The following CLEC16A variants were observed in gnomAD, a reference collection of about 807,000 sequenced individuals.
CLEC16A encodes protein CLEC16A.
In CLEC16A, 51 loss-of-function variants were observed where a neutral mutation model predicts 109.5. The observed-to-expected ratio is 0.47, with a 90% CI of 0.37 to 0.59. The LOEUF is 0.59. CLEC16A is among the 20% of genes least tolerant of loss of function. The pLI, the probability that CLEC16A is intolerant of heterozygous loss-of-function variation, is 0.00. For missense variants in CLEC16A, 1,339 were observed against 1,394.0 expected (o/e 0.96, Z 0.63); for synonymous variants, 673 against 564.2 (o/e 1.19, Z -2.73).
chr16:11,153,124 A>G (rs1457938472), intron 22 of CLEC16A, among the ~76,000 whole-genome samples: 4 of 152,316 alleles, frequency 2.6e-5, no homozygotes, highest in East Asian at 1.9e-4. Flanking sequence ...AGGATGTTCA[A>G]TATTTAAACA....
chr16:10,981,920 G>C (rs946575954), intron 9 of CLEC16A, among the ~76,000 whole-genome samples: 1 of 152,196 alleles, frequency 6.6e-6, no homozygotes, highest in African/African-American at 2.4e-5. Context: ...ACATCTAGTG[G>C]GTGGAGGTCA....
At chr16:11,045,944 G>C (rs2047612890) in intron 16 of CLEC16A, among the ~76,000 whole-genome samples, 1 of 152,220 alleles carries the variant, frequency 6.6e-6, no homozygotes, top group African/African-American at 2.4e-5. Context: ...AGCTGCAGCA[G>C]TGGACATACC....
intron 13 of CLEC16A, among the ~76,000 whole-genome samples, chr16:11,037,321 C>T (rs1597148701): frequency 6.6e-6 from 1 of 152,208 alleles, no homozygotes; most frequent in East Asian, 1.9e-4. Flanking sequence ...GTGGTTTGAG[C>T]TGTGTCTCTG....
At chr16:10,950,512 C>T (rs1267626760) in intron 1 of CLEC16A, among the ~76,000 whole-genome samples, 2 of 152,210 alleles carry the variant, frequency 1.3e-5, no homozygotes, top group Non-Finnish European at 1.5e-5. Context: ...TACACATCCC[C>T]GGCCCAGCCT....
chr16:10,990,616 G>A (rs1406110878), intron 10 of CLEC16A, among the ~76,000 whole-genome samples: 1 of 152,232 alleles, frequency 6.6e-6, no homozygotes, highest in Non-Finnish European at 1.5e-5. Flanking sequence ...AGTGGGCAGG[G>A]ATGGGAGCAG....
intron 21 of CLEC16A, among the ~76,000 whole-genome samples, chr16:11,125,448 A>G (rs965034903): frequency 1.3e-5 from 2 of 152,164 alleles, no homozygotes; most frequent in Non-Finnish European, 2.9e-5. Flanking sequence ...GCCCCTCCGT[A>G]TGGATATATT....
chr16:11,123,959 AC>A lies in CLEC16A; in HGVS notation c.2473+16del. On this transcript the variant is annotated intron_variant, in intron 21 of 23. Transcript: ENST00000409790. ...CAGAGAATAGCTGGTGAGTGGCTGG[AC>A]CCTGGCAGGGCATCCTCTGAGCACT... 1 of 1,583,908 alleles carries A rather than the reference AC, an allele frequency of 6.3e-7. No homozygotes were observed. Among genetic ancestry groups the A allele is most frequent in the Non-Finnish European group, 8.6e-7 (1 of 1,165,302 alleles).
chr16:11,068,720 C>G (rs111387323), intron 19 of CLEC16A, among the ~76,000 whole-genome samples: 7,982 of 152,290 alleles, frequency 0.052, 747 homozygotes, highest in African/African-American at 0.18. Context: ...CAGCCTCTGC[C>G]GCAAAATACA....
chr16:11,097,014 A>G (rs2050643697), intron 19 of CLEC16A, among the ~76,000 whole-genome samples: 1 of 152,188 alleles, frequency 6.6e-6, no homozygotes, highest in Admixed American at 6.5e-5. Flanking sequence ...TGACTGTATA[A>G]CATGCCACCA....
chr16:11,066,381 G>A (rs76330031), intron 19 of CLEC16A: 2 of 152,752 alleles, frequency 1.3e-5, no homozygotes, highest in Non-Finnish European at 2.9e-5. Flanking sequence ...CTGAGCTTGG[G>A]GCAGTCCAGG....
chr16:11,062,705 T>C (rs77326665), intron 19 of CLEC16A, among the ~76,000 whole-genome samples: 6,685 of 152,262 alleles, frequency 0.044, 534 homozygotes, highest in African/African-American at 0.15. Context: ...GTTTTATCTT[T>C]CCCTTTCTTG....
In CLEC16A at chr16:10,977,222, C is replaced by A; in HGVS notation, c.729-3C>A. 1 of 1,612,564 alleles carries A rather than the reference C, an allele frequency of 6.2e-7. No homozygotes were observed. The highest frequency in any genetic ancestry group is 1.1e-5 in the South Asian group (1 of 90,878). On this transcript the variant is annotated splice_polypyrimidine_tract_variant and splice_region_variant and intron_variant, in intron 7 of 23. Transcript: ENST00000409790. The stretch of plus-strand genomic sequence containing the variant: ...AGGCTGAGGTGGTCATTTCTCCTGG[C>A]AGGCATCGGAATCGGGGTAAACTGA...
chr16:10,971,336 T>A (rs1053567904), intron 5 of CLEC16A, 106 bp downstream of exon 5: 9 of 889,342 alleles, frequency 1.0e-5, no homozygotes, highest in East Asian at 2.8e-5. Context: ...AGGGAGCACA[T>A]TGATGATGAG....
At chr16:10,973,777 C>T (rs1212319248) in intron 7 of CLEC16A, among the ~76,000 whole-genome samples, 1 of 151,372 alleles carries the variant, frequency 6.6e-6, no homozygotes, top group Non-Finnish European at 1.5e-5. Context: ...CGTCATGTTG[C>T]CCAGGCCAAT....
chr16:10,983,400 A>G (rs1006059938), intron 10 of CLEC16A, among the ~76,000 whole-genome samples: 1 of 152,252 alleles, frequency 6.6e-6, no homozygotes, highest in Non-Finnish European at 1.5e-5. Flanking sequence ...TGGAGAGTGT[A>G]TGCCACCTTG....
chr16:11,047,631 G>A lies in CLEC16A; in HGVS notation c.1866+289G>A, dbSNP rs946451626. ...TTTTATTGAGGACTTACTCTGTGCT[G>A]GATGTATATAGCATGCTGTACAGAT... On this transcript the variant is annotated intron_variant, in intron 17 of 23. Coordinates refer to ENST00000409790, the MANE Select transcript of CLEC16A (RefSeq NM_015226.3). 4 of 260,964 alleles carry A rather than the reference G, an allele frequency of 1.5e-5. No individual in the cohort carries two copies. The East Asian group carries it at 3.2e-4, about 21-fold the overall frequency. The allele number at this position is 260,964 out of a possible 1,614,324, so 16.2% of individuals were successfully genotyped here. A position where few individuals can be genotyped will look rare whatever the true frequency, so the allele number is the denominator to read the frequency against.
chr16:11,076,830 A>G lies in CLEC16A; in HGVS notation c.2116+15808A>G, dbSNP rs79970987. Among the ~76,000 whole-genome samples, 696 of 152,246 alleles carry G rather than the reference A, an allele frequency of 4.6e-3. 5 individuals are homozygous for G. The highest frequency in any genetic ancestry group is 0.031 in the Middle Eastern group (9 of 294). The stretch of plus-strand genomic sequence containing the variant: ...GACCAGGTCCACCCTGCCCTCAGCC[A>G]ATGCACACTCTCCAGCCCACCCCAG... On this transcript the variant is annotated intron_variant, in intron 19 of 23. Coordinates refer to ENST00000409790, the MANE Select transcript of CLEC16A (RefSeq NM_015226.3).
chr16:11,170,673 G>C (rs1389190021), intron 23 of CLEC16A, among the ~76,000 whole-genome samples: 1 of 152,078 alleles, frequency 6.6e-6, no homozygotes, highest in Non-Finnish European at 1.5e-5. Context: ...CCCTGGGTTT[G>C]GGCACCCCAC....
intron 4 of CLEC16A, 22 bp downstream of exon 4, chr16:10,969,331 A>T (rs773777778): frequency 1.3e-6 from 2 of 1,552,378 alleles, no homozygotes; most frequent in Non-Finnish European, 1.7e-6. Context: ...CCAGAGGGGC[A>T]CGTGTGGGTG....
Sources: gnomAD v4.1 joint callset for allele counts (sites outside exome capture counted in the v4.1 genomes callset) on GRCh38, gnomAD v4.1.1 for gene constraint, MANE v1.5 for transcripts, NCBI Gene and HGNC (gene_info 2026-07-23, HGNC 2026-07-21) for gene names.